The following GLIS3 variants were observed in gnomAD, a reference collection of about 807,000 sequenced individuals.
GLIS3 encodes GLIS family zinc finger 3.
A neutral mutation model predicts 78.6 loss-of-function variants in GLIS3; 53 were observed. The ratio of observed to expected loss-of-function variants is 0.67; its 90% CI spans 0.54 to 0.85. The LOEUF (loss-of-function observed/expected upper bound fraction) is 0.85, where lower values mean the gene tolerates loss of function less well. Ranked by LOEUF, GLIS3 falls within the 40% of genes least tolerant of loss-of-function variation. GLIS3 has a pLI of 0.00. For synonymous variants in GLIS3, 684 were observed against 509.9 expected (o/e 1.34, Z -4.60); for missense variants, 1,703 against 1,231.1 (o/e 1.38, Z -5.74).
intron 8 of GLIS3, among the ~76,000 whole-genome samples, chr9:3,866,872 T>G (rs1371907781): frequency 6.6e-6 from 1 of 151,644 alleles, no homozygotes; most frequent in Non-Finnish European, 1.5e-5. Context: ...GCTGGTGGGA[T>G]GAGGGTAGAT....
chr9:4,221,861 A>C (rs1416807041), intron 2 of GLIS3, among the ~76,000 whole-genome samples: 2 of 152,246 alleles, frequency 1.3e-5, no homozygotes, highest in African/African-American at 4.8e-5. Flanking sequence ...TCTTCTATGC[A>C]AAATAGTTAT....
intron 4 of GLIS3, among the ~76,000 whole-genome samples, chr9:4,109,906 G>A (rs10814846): frequency 0.41 from 62,182 of 152,068 alleles, 15,398 homozygotes; most frequent in East Asian, 0.69. Flanking sequence ...CTTTCAGGAT[G>A]CAGTTACCTC....
intron 4 of GLIS3, among the ~76,000 whole-genome samples, chr9:3,955,129 G>A (rs141648678): frequency 0.011 from 1,633 of 152,272 alleles, 111 homozygotes; most frequent in Admixed American, 0.099. Flanking sequence ...GACGACCTGG[G>A]GAACAGAGCC....
chr9:4,413,538 C>G, the GLIS3 span, among the ~76,000 whole-genome samples: 1 of 152,102 alleles, frequency 6.6e-6, no homozygotes, highest in Admixed American at 6.6e-5. Flanking sequence ...TCTAAAGAAT[C>G]ATCTTCTCCA....
intron 2 of GLIS3, among the ~76,000 whole-genome samples, chr9:4,184,620 A>C (rs1817608708): frequency 6.6e-6 from 1 of 152,200 alleles, no homozygotes; most frequent in African/African-American, 2.4e-5. Flanking sequence ...AAGAGCACCC[A>C]ACCCAGGTTG....
At position 4,299,962 on chromosome 9, in the gene GLIS3, C is replaced by G. The variant is rs1166366716; in HGVS notation, c.-640G>C. The G allele has an allele frequency of 6.6e-6, 1 of 151,920 alleles. No individual in the cohort carries two copies. The highest frequency in any genetic ancestry group is 2.0e-4 in the East Asian group (1 of 5,118). The allele number at this position is 151,920 out of a possible 1,614,324, so 9.4% of individuals were successfully genotyped here. ...ACTCGCCGCCGGTGCCCGTGCGCGC[C>G]GCGCTCTGGGCTGCCCGGGCGGCGC... On this transcript the variant is annotated 5_prime_UTR_variant, in exon 1 of 11. Coordinates refer to ENST00000381971, the MANE Select transcript of GLIS3 (RefSeq NM_001042413.2).
At chr9:3,878,150 C>G (rs1041738535) in intron 8 of GLIS3, among the ~76,000 whole-genome samples, 5 of 152,050 alleles carry the variant, frequency 3.3e-5, no homozygotes, top group Non-Finnish European at 7.4e-5. Context: ...TCCAGAAGAG[C>G]CTTAGTCTTC....
intron 2 of GLIS3, among the ~76,000 whole-genome samples, chr9:4,273,753 C>A (rs1445979154): frequency 6.6e-6 from 1 of 152,156 alleles, no homozygotes; most frequent in African/African-American, 2.4e-5. Context: ...AAAAGTCAAT[C>A]CACATAACTC....
chr9:4,009,885 G>A (rs907067415), intron 4 of GLIS3, among the ~76,000 whole-genome samples: 1 of 152,186 alleles, frequency 6.6e-6, no homozygotes, highest in African/African-American at 2.4e-5. Context: ...CCGGTCATAG[G>A]ACACAAAGGA....
intron 4 of GLIS3, among the ~76,000 whole-genome samples, chr9:3,992,048 C>A (rs1820355436): frequency 6.6e-6 from 1 of 152,112 alleles, no homozygotes; most frequent in African/African-American, 2.4e-5. Flanking sequence ...TTTAGACAAA[C>A]TGAAGTCAGA....
chr9:3,829,275 G>T, intron 10 of GLIS3, 35 bp downstream of exon 10: 1 of 1,602,162 alleles, frequency 6.2e-7, no homozygotes, highest in South Asian at 1.1e-5. Flanking sequence ...CCTGTCAGTT[G>T]ACAGGATTTT....
upstream of GLIS3, among the ~76,000 whole-genome samples, chr9:4,352,129 T>C (rs1393554107): frequency 6.6e-6 from 1 of 152,214 alleles, no homozygotes; most frequent in East Asian, 1.9e-4. Flanking sequence ...TCTGTTATTA[T>C]AGAGGAAGCT....
At chr9:4,193,901 G>A (rs1250843212) in intron 2 of GLIS3, among the ~76,000 whole-genome samples, 1 of 152,234 alleles carries the variant, frequency 6.6e-6, no homozygotes. Context: ...GCTGACGAAT[G>A]AACATTTTGA....
intron 9 of GLIS3, among the ~76,000 whole-genome samples, chr9:3,843,066 C>G (rs1251095744): frequency 6.6e-6 from 1 of 152,164 alleles, no homozygotes; most frequent in Non-Finnish European, 1.5e-5. Flanking sequence ...AGTTCTTGGT[C>G]AAGGTGAAAT....
intron 4 of GLIS3, among the ~76,000 whole-genome samples, chr9:4,016,411 A>G (rs1563950938): frequency 6.6e-6 from 1 of 152,094 alleles, no homozygotes; most frequent in African/African-American, 2.4e-5. Context: ...TTACTTTCTC[A>G]TTTCTATTCT....
At chr9:4,370,674 AAT>A in the GLIS3 span, among the ~76,000 whole-genome samples, 2 of 151,400 alleles carry the variant, frequency 1.3e-5, no homozygotes, top group African/African-American at 2.4e-5. Flanking sequence ...TAATATACAT[AAT>A]AGAGTGTATT....
In GLIS3 at chr9:3,829,376, T is replaced by C; in HGVS notation, c.2590A>G (p.Thr864Ala). The change falls in exon 10 of 11, where the codon ACA becomes GCA. Residue 864 changes from threonine (T) to alanine (A), a missense_variant. Coordinates refer to ENST00000381971, the MANE Select transcript of GLIS3 (RefSeq NM_001042413.2). ...TCAAAACTGGCCTGGCCCATGGATG[T>C]AGGGACTAGGCAGTCCTCAAACGAA... ...VPSFEDCLVP[T>A]SMGQASFDVF... The C allele has an allele frequency of 6.2e-7, 1 of 1,613,974 alleles. No homozygotes were observed. The highest frequency in any genetic ancestry group is 1.3e-5 in the African/African-American group (1 of 75,012).
the GLIS3 span, among the ~76,000 whole-genome samples, chr9:4,385,962 C>G: frequency 6.6e-6 from 1 of 152,172 alleles, no homozygotes; most frequent in Non-Finnish European, 1.5e-5. Context: ...GAGAATGCTT[C>G]AGGACACAAA....
chr9:4,304,476 C>T (rs1817176743), upstream of GLIS3, among the ~76,000 whole-genome samples: 2 of 152,164 alleles, frequency 1.3e-5, no homozygotes, highest in African/African-American at 2.4e-5. Context: ...GCTCCAGTGA[C>T]CCTCTCCTGT....
Sources: gnomAD v4.1 joint callset for allele counts (sites outside exome capture counted in the v4.1 genomes callset) on GRCh38, gnomAD v4.1.1 for gene constraint, MANE v1.5 for transcripts, NCBI Gene and HGNC (gene_info 2026-07-23, HGNC 2026-07-21) for gene names.